FAM184B: variants seen among roughly 807,000 people sequenced by gnomAD.
The protein encoded by FAM184B is family with sequence similarity 184 member B.
In FAM184B, 111 loss-of-function variants were observed where a neutral mutation model predicts 135.9. The ratio of observed to expected loss-of-function variants is 0.82; its 90% CI spans 0.70 to 0.96. FAM184B has a LOEUF of 0.96. FAM184B is among the 40% of genes least tolerant of loss of function. FAM184B has a pLI of 0.00. For synonymous variants in FAM184B, 552 were observed against 524.8 expected (o/e 1.05, Z -0.71); for missense variants, 1,375 against 1,323.9 (o/e 1.04, Z -0.60).
intron 10 of FAM184B, among the ~76,000 whole-genome samples, chr4:17,656,839 G>A (rs1168959021): frequency 1.3e-5 from 2 of 152,152 alleles, no homozygotes; most frequent in East Asian, 1.9e-4. Flanking sequence ...TCCTGTCCTC[G>A]GAGGCAGCCA....
At chr4:17,680,412 T>C (rs1716408643) in intron 7 of FAM184B, among the ~76,000 whole-genome samples, 1 of 152,084 alleles carries the variant, frequency 6.6e-6, no homozygotes, top group African/African-American at 2.4e-5. Flanking sequence ...ATAATGATGA[T>C]ATAACAGAAA....
intron 5 of FAM184B, among the ~76,000 whole-genome samples, chr4:17,694,252 G>A (rs935612736): frequency 5.3e-5 from 8 of 152,164 alleles, no homozygotes; most frequent in Non-Finnish European, 8.8e-5. Context: ...GGCCAGGCGC[G>A]GTGGCTGACG....
intron 7 of FAM184B, among the ~76,000 whole-genome samples, chr4:17,675,845 T>C (rs556555036): frequency 3.9e-5 from 6 of 152,314 alleles, no homozygotes; most frequent in Non-Finnish European, 5.9e-5. Context: ...TCTGGCTTCA[T>C]AGAATTGAAG....
chr4:17,730,912 G>A (rs2108977725), intron 1 of FAM184B, among the ~76,000 whole-genome samples: 1 of 152,308 alleles, frequency 6.6e-6, no homozygotes, highest in Non-Finnish European at 1.5e-5. Context: ...GGAGCTGAAA[G>A]CCAAGGCTCG....
At chr4:17,708,722 G>C (rs1337436029) in intron 2 of FAM184B, among the ~76,000 whole-genome samples, 170 bp downstream of exon 2, 1 of 122,202 alleles carries the variant, frequency 8.2e-6, no homozygotes, top group African/African-American at 3.1e-5. Context: ...GTCTGTGTGT[G>C]TGTGTGTGTG....
chr4:17,696,706 A>C (rs1326337375), intron 5 of FAM184B, among the ~76,000 whole-genome samples: 1 of 152,074 alleles, frequency 6.6e-6, no homozygotes, highest in Non-Finnish European at 1.5e-5. Flanking sequence ...TTAGCTACTC[A>C]GGGGGCCGAG....
chr4:17,649,554 A>G (rs1207891462), intron 11 of FAM184B, among the ~76,000 whole-genome samples: 1 of 149,328 alleles, frequency 6.7e-6, no homozygotes, highest in East Asian at 2.0e-4. Flanking sequence ...ACTGCACTCC[A>G]GCTTGGGTGA....
intron 7 of FAM184B, among the ~76,000 whole-genome samples, chr4:17,687,768 G>A (rs1031275823): frequency 3.9e-5 from 6 of 152,144 alleles, no homozygotes; most frequent in African/African-American, 1.2e-4. Context: ...ACCACCAGAG[G>A]CGAGGGGAGC....
rs1378502465 is a variant in FAM184B, at chr4:17,635,051, G to C, written c.2847C>G (p.Phe949Leu). Residue 949 changes from phenylalanine to leucine, a missense_variant, in exon 16 of 18, where the codon TTC becomes TTG. Physicochemically the swap from Phe to Leu is conservative, Grantham distance 22. Coordinates refer to ENST00000265018, the MANE Select transcript of FAM184B (RefSeq NM_015688.2). ...AATATCCCGGGTGAGGATTGAAAGA[G>C]AAAGACCGATTCCGGTGGGACATGG... ...PSAMSHRNRS[F>L]SFNPHPGYLT... is the part of the protein sequence containing the mutation. 1.9e-6 allele frequency: 3 copies of C among 1,551,862 alleles called. No individual in the cohort carries two copies. Among genetic ancestry groups the C allele is most frequent in the Non-Finnish European group, 2.6e-6 (3 of 1,147,010 alleles).
intron 15 of FAM184B, among the ~76,000 whole-genome samples, chr4:17,636,145 G>A (rs976917315): frequency 6.6e-5 from 10 of 151,884 alleles, no homozygotes; most frequent in African/African-American, 1.5e-4. Flanking sequence ...TTGCTCTGTC[G>A]CCCAGACTGG....
chr4:17,633,374 G>GAGAT (rs1560162066), intron 17 of FAM184B: 1 of 216,544 alleles, frequency 4.6e-6, no homozygotes, highest in Non-Finnish European at 9.0e-6. Context: ...TCAGTCTGAT[G>GAGAT]AGATAGGTGC....
intron 8 of FAM184B, among the ~76,000 whole-genome samples, chr4:17,660,768 T>C (rs1314143202): frequency 6.6e-6 from 1 of 151,962 alleles, no homozygotes; most frequent in Non-Finnish European, 1.5e-5. Context: ...GGATGTGAAG[T>C]ATTTATCTTG....
At chr4:17,675,806 A>G (rs939245419) in intron 7 of FAM184B, among the ~76,000 whole-genome samples, 1 of 152,060 alleles carries the variant, frequency 6.6e-6, no homozygotes, top group South Asian at 2.1e-4. Context: ...CTAGCTTCCA[A>G]CTTTTCTTCT....
chr4:17,742,162 ATATATATT>A (rs1170630313), intron 1 of FAM184B, among the ~76,000 whole-genome samples: 19 of 3,286 alleles, frequency 5.8e-3, no homozygotes, highest in Middle Eastern at 0.071. Flanking sequence ...ATATATATAT[ATATATATT>A]TTTTTTTTTT....
intron 1 of FAM184B, among the ~76,000 whole-genome samples, chr4:17,740,708 G>A (rs1019138124): frequency 2.5e-4 from 38 of 152,172 alleles, no homozygotes; most frequent in African/African-American, 8.4e-4. Flanking sequence ...GATTGGTTTT[G>A]GGATTATACT....
At chr4:17,757,689 G>C (rs536281087) in intron 1 of FAM184B, among the ~76,000 whole-genome samples, 80 of 151,526 alleles carry the variant, frequency 5.3e-4, no homozygotes, top group Non-Finnish European at 1.0e-3. Flanking sequence ...AGCAACAGAG[G>C]TACATTATAC....
At chr4:17,639,516 G>T (rs1715245809) in intron 13 of FAM184B, 120 bp from the exon 14 acceptor site, 1 of 1,201,664 alleles carries the variant, frequency 8.3e-7, no homozygotes, top group South Asian at 1.5e-5. Flanking sequence ...GAGAAATTGT[G>T]ATCTAAGGAC....
In FAM184B at chr4:17,640,376, C is replaced by T. The variant is rs530187755; in HGVS notation, c.2520-980G>A. 8.0e-5 allele frequency among the ~76,000 whole-genome samples: 12 copies of T among 150,222 alleles called. No individual in the cohort carries two copies. The South Asian group carries it at 2.3e-3, about 29-fold the overall frequency. On this transcript the variant is annotated intron_variant, in intron 13 of 17. Transcript: ENST00000265018. ...GTGTCCGCCTGTAATCCCAGCTACT[C>T]AGGAGGCTGAGGCAGAAGAATCACT...
intron 5 of FAM184B, among the ~76,000 whole-genome samples, chr4:17,699,394 A>C (rs1280545702): frequency 1.3e-5 from 2 of 152,108 alleles, no homozygotes; most frequent in African/African-American, 4.8e-5. Flanking sequence ...AAATCACATC[A>C]TGGCATATCA....
Sources: gnomAD v4.1 joint callset for allele counts (sites outside exome capture counted in the v4.1 genomes callset) on GRCh38, gnomAD v4.1.1 for gene constraint, MANE v1.5 for transcripts, NCBI Gene and HGNC (gene_info 2026-07-23, HGNC 2026-07-21) for gene names.